Variants in SCIN observed in about 807,000 individuals in gnomAD.
SCIN encodes scinderin, also known as adseverin.
SCIN carries 91 observed loss-of-function variants against 91.8 expected under a neutral mutation model. That is an observed-to-expected ratio of 0.99 (90% confidence interval 0.84 to 1.18). The LOEUF (loss-of-function observed/expected upper bound fraction) is 1.18. Ranked by LOEUF, SCIN falls within the 50% of genes most tolerant of loss-of-function variation. The pLI is 0.00. For missense variants in SCIN, 1,087 were observed against 863.9 expected (o/e 1.26, Z -3.24); for synonymous variants, 367 against 312.6 (o/e 1.17, Z -1.84).
Position 12,625,041 on chromosome 7 carries a change from C to A in SCIN, c.791C>A (p.Thr264Asn). ...VSDASGSMRV[T>N]VVAEENPFSM... ...GATGCAAGTGGCTCCATGAGAGTGA[C>A]TGTGGTGGCAGAAGAAAACCCCTTC... The change falls in exon 6 of 16, where the codon ACT (threonine) becomes AAT (asparagine). Residue 264 changes from threonine to asparagine, a missense_variant. Transcript: ENST00000297029. 2 of 1,573,736 alleles carry A rather than the reference C, an allele frequency of 1.3e-6. No homozygotes were observed. Among genetic ancestry groups the A allele is most frequent in the South Asian group, 1.2e-5 (1 of 85,720 alleles).
At chr7:12,608,958 T>G (rs1054067050) in intron 4 of SCIN, among the ~76,000 whole-genome samples, 1 of 152,236 alleles carries the variant, frequency 6.6e-6, no homozygotes, top group Non-Finnish European at 1.5e-5. Flanking sequence ...TGAACTTGTC[T>G]AACACATTAA....
rs111924110 is a variant in SCIN, at chr7:12,659,059, G to A, written c.*6344G>A. 10,443 of 152,226 alleles carry A rather than the reference G, an allele frequency of 0.069. 1,241 individuals carry two copies. The highest frequency in any genetic ancestry group is 0.24 in the African/African-American group (9,936 of 41,408). The allele number at this position is 152,226 out of a possible 1,614,324, so 9.4% of individuals were successfully genotyped here. On this transcript the variant is annotated 3_prime_UTR_variant, in exon 16 of 16. Transcript: ENST00000297029. ...CAACCTCTGCCTCCCGTGTTCAAGC[G>A]ATTCTCCTGCCTCAGCCTCCTGAGT... is the stretch of plus-strand genomic sequence containing the variant.
intron 4 of SCIN, among the ~76,000 whole-genome samples, chr7:12,618,695 A>G (rs1406730359): frequency 3.3e-5 from 5 of 152,150 alleles, no homozygotes; most frequent in African/African-American, 1.2e-4. Flanking sequence ...CAGCAAGTAA[A>G]TATACCATAA....
chr7:12,614,613 G>T (rs373810962), intron 4 of SCIN, among the ~76,000 whole-genome samples: 2 of 152,250 alleles, frequency 1.3e-5, no homozygotes, highest in African/African-American at 2.4e-5. Flanking sequence ...GTGAGCAACT[G>T]GGGCTGAGTC....
chr7:12,598,672 C>T (rs905332359), intron 3 of SCIN, among the ~76,000 whole-genome samples: 1 of 152,098 alleles, frequency 6.6e-6, no homozygotes, highest in Admixed American at 6.5e-5. Context: ...GCAGGCAGAT[C>T]GCTTGAACCC....
At chr7:12,645,620 T>A (rs1783950526) in intron 13 of SCIN, among the ~76,000 whole-genome samples, 1 of 152,166 alleles carries the variant, frequency 6.6e-6, no homozygotes, top group Non-Finnish European at 1.5e-5. Context: ...ATTAGTTATT[T>A]TTCCTGATCG....
intron 2 of SCIN, among the ~76,000 whole-genome samples, chr7:12,579,792 T>G (rs1782451136): frequency 6.6e-6 from 1 of 152,104 alleles, no homozygotes; most frequent in South Asian, 2.1e-4. Flanking sequence ...CATGCGCCTG[T>G]AACCCTAGCT....
intron 4 of SCIN, among the ~76,000 whole-genome samples, chr7:12,620,523 G>A (rs1022536440): frequency 5.9e-5 from 9 of 152,040 alleles, no homozygotes; most frequent in African/African-American, 1.9e-4. Flanking sequence ...GCAAATGACA[G>A]GATTTCCTTG....
intron 4 of SCIN, among the ~76,000 whole-genome samples, chr7:12,618,513 T>C (rs1783342274): frequency 1.3e-5 from 2 of 152,280 alleles, no homozygotes; most frequent in African/African-American, 4.8e-5. Flanking sequence ...AAGGTATTTT[T>C]GAGGCCATCA....
chr7:12,593,416 C>G (rs1782768215), intron 3 of SCIN, among the ~76,000 whole-genome samples: 1 of 152,078 alleles, frequency 6.6e-6, no homozygotes, highest in African/African-American at 2.4e-5. Flanking sequence ...ATGTCAGGGG[C>G]AGATTGGGAA....
chr7:12,611,807 G>A (rs1783197819), intron 4 of SCIN, among the ~76,000 whole-genome samples: 1 of 152,108 alleles, frequency 6.6e-6, no homozygotes, highest in Admixed American at 6.5e-5. Flanking sequence ...AGCTATTTGG[G>A]AAGCTCTGGT....
intron 3 of SCIN, among the ~76,000 whole-genome samples, chr7:12,592,881 A>G (rs1782755916): frequency 6.6e-6 from 1 of 152,158 alleles, no homozygotes; most frequent in Non-Finnish European, 1.5e-5. Context: ...CTTACCTGCT[A>G]CTAGTAGAGT....
At chr7:12,617,281 G>C (rs753930559) in intron 4 of SCIN, among the ~76,000 whole-genome samples, 1 of 152,004 alleles carries the variant, frequency 6.6e-6, no homozygotes, top group Non-Finnish European at 1.5e-5. Flanking sequence ...CATGATAATT[G>C]AGCCATATTA....
chr7:12,603,784 G>A (rs1303096356), intron 3 of SCIN, among the ~76,000 whole-genome samples: 1 of 152,014 alleles, frequency 6.6e-6, no homozygotes, highest in Non-Finnish European at 1.5e-5. Context: ...AATTTTAACA[G>A]TTAAGTATCA....
At position 12,626,633 on chromosome 7, in the gene SCIN, T is replaced by A. The variant is rs1783526922; in HGVS notation, c.1031T>A (p.Phe344Tyr). The part of the protein sequence containing the change: ...GGETPIFKQF[F>Y]KDWRDKDQSD... ...GAAACACCAATCTTCAAACAGTTTT[T>A]TAAGGACTGGAGAGATAAAGATCAG... The change falls in exon 8 of 16, where the codon TTT becomes TAT. Residue 344 changes from phenylalanine to tyrosine, a missense_variant. By Grantham distance (22) the Phe-to-Tyr change is conservative. Coordinates refer to ENST00000297029, the MANE Select transcript of SCIN (RefSeq NM_001112706.3). The A allele has an allele frequency of 1.3e-6, 2 of 1,552,916 alleles. No individual in the cohort carries two copies. The highest frequency in any genetic ancestry group is 1.4e-5 in the African/African-American group (1 of 73,136).
chr7:12,594,387 G>A (rs958190287), intron 3 of SCIN, among the ~76,000 whole-genome samples: 83 of 152,222 alleles, frequency 5.5e-4, no homozygotes, highest in African/African-American at 1.9e-3. Context: ...GAGCAGGAGT[G>A]GCAGAGAGAA....
intron 3 of SCIN, among the ~76,000 whole-genome samples, chr7:12,595,352 C>T (rs1309069006): frequency 2.0e-5 from 3 of 152,068 alleles, no homozygotes; most frequent in Admixed American, 6.5e-5. Flanking sequence ...CCACGTTTCT[C>T]GTGACCTCCC....
intron 1 of SCIN, among the ~76,000 whole-genome samples, chr7:12,575,046 T>G (rs945929162): frequency 2.0e-5 from 3 of 152,174 alleles, no homozygotes; most frequent in Non-Finnish European, 2.9e-5. Flanking sequence ...ATACAGATCC[T>G]GTACATGTTT....
chr7:12,635,499 G>A (rs983279178), intron 9 of SCIN, among the ~76,000 whole-genome samples: 2 of 146,380 alleles, frequency 1.4e-5, no homozygotes, highest in Non-Finnish European at 3.0e-5. Context: ...GTAATCCCAG[G>A]TACTTGGGAG....
Sources: gnomAD v4.1 joint callset for allele counts (sites outside exome capture counted in the v4.1 genomes callset) on GRCh38, gnomAD v4.1.1 for gene constraint, MANE v1.5 for transcripts, NCBI Gene and HGNC (gene_info 2026-07-23, HGNC 2026-07-21) for gene names.